CALU: variants seen among roughly 807,000 people sequenced by gnomAD.
CALU encodes IEF SSP 9302.
CALU carries 13 observed loss-of-function variants against 37.5 expected under a neutral mutation model. The observed-to-expected ratio is 0.35, with a 90% CI of 0.23 to 0.55. The LOEUF is 0.55. CALU is among the 20% of genes least tolerant of loss of function. CALU has a pLI of 0.89. For missense variants in CALU, 282 were observed against 391.7 expected (o/e 0.72, Z 2.36); for synonymous variants, 114 against 133.8 (o/e 0.85, Z 1.02).
intron 5 of CALU, chr7:128,761,537 AG>A (rs1182428203): frequency 2.0e-5 from 3 of 152,194 alleles, no homozygotes; most frequent in Non-Finnish European, 4.4e-5. Flanking sequence ...ATTAGTAGTG[AG>A]GTTGTGCCTG....
rs757119279 is a variant in CALU, at chr7:128,769,173, G to A, written c.*6G>A. On this transcript the variant is annotated 3_prime_UTR_variant, in exon 7 of 7. Transcript: ENST00000249364. Reference sequence around the variant, plus strand: ...TACGGCATGATGAGTTCTGAGCTACGGAGGAACCCTCATTTCCTCAAAAGT... The same window carrying A: ...TACGGCATGATGAGTTCTGAGCTACAGAGGAACCCTCATTTCCTCAAAAGT... 2.7e-5 allele frequency: 39 copies of A among 1,420,234 alleles called. No homozygotes were observed. Among genetic ancestry groups the A allele is most frequent in the Admixed American group, 3.7e-5 (2 of 53,906 alleles). The allele number at this position is 1,420,234 out of a possible 1,614,324, so 88.0% of individuals were successfully genotyped here. A position where few individuals can be genotyped will look rare whatever the true frequency, so the allele number is the denominator to read the frequency against.
At chr7:128,760,647 G>A (rs981155681) in intron 5 of CALU, among the ~76,000 whole-genome samples, 3 of 152,090 alleles carry the variant, frequency 2.0e-5, no homozygotes, top group Admixed American at 1.3e-4. Flanking sequence ...GGTGGCTCAC[G>A]CCTGTAATCC....
At chr7:128,766,575 C>T (rs1408458561) in intron 5 of CALU, among the ~76,000 whole-genome samples, 5 of 151,740 alleles carry the variant, frequency 3.3e-5, no homozygotes, top group East Asian at 3.9e-4. Context: ...ATTACAGGCA[C>T]GCACCACCAT....
At chr7:128,756,363 A>G (rs1051684616) in intron 3 of CALU, among the ~76,000 whole-genome samples, 2 of 152,190 alleles carry the variant, frequency 1.3e-5, no homozygotes, top group African/African-American at 4.8e-5. Flanking sequence ...ATTCAACGTA[A>G]TGGGTATTTC....
chr7:128,757,083 T>TA (rs200603035), intron 3 of CALU, among the ~76,000 whole-genome samples: 203 of 142,630 alleles, frequency 1.4e-3, no homozygotes, highest in Middle Eastern at 7.2e-3. Context: ...GACTATAAAT[T>TA]AAAAAAAAAA....
chr7:128,763,062 C>CT (rs1801184959), intron 5 of CALU, among the ~76,000 whole-genome samples: 1 of 152,178 alleles, frequency 6.6e-6, no homozygotes, highest in South Asian at 2.1e-4. Context: ...CATCCACTTC[C>CT]TTGCTTCCTT....
Position 128,772,744 on chromosome 7 carries a change from C to A in CALU, c.*3577C>A. ...ACCTTATTCTCTGTATCACCAAAGCCTTGCACAATGCTTTGTACCCAGAAT... is the reference window on the plus strand; with the variant it reads ...ACCTTATTCTCTGTATCACCAAAGCATTGCACAATGCTTTGTACCCAGAAT... On this transcript the variant is annotated 3_prime_UTR_variant, in exon 7 of 7. Transcript: ENST00000249364. The A allele has an allele frequency of 6.4e-7, 1 of 1,558,582 alleles. No individual in the cohort carries two copies. Among genetic ancestry groups the A allele is most frequent in the Non-Finnish European group, 8.8e-7 (1 of 1,131,204 alleles).
At chr7:128,752,798 C>A (rs909754443) in intron 2 of CALU, among the ~76,000 whole-genome samples, 5 of 152,166 alleles carry the variant, frequency 3.3e-5, no homozygotes, top group Non-Finnish European at 7.4e-5. Context: ...GATTCTCCTG[C>A]CTCAGCCTCC....
chr7:128,746,135 C>A (rs1263036518), intron 1 of CALU, among the ~76,000 whole-genome samples: 1 of 151,392 alleles, frequency 6.6e-6, no homozygotes, highest in Non-Finnish European at 1.5e-5. Context: ...CATTTCACTG[C>A]AGATAGATGC....
intron 6 of CALU, 46 bp downstream of exon 6, chr7:128,767,701 C>A: frequency 2.1e-6 from 3 of 1,460,130 alleles, no homozygotes; most frequent in South Asian, 1.2e-5. Context: ...TTGAAGTATG[C>A]TTCTAGGGGA....
At position 128,769,300 on chromosome 7, in the gene CALU, C is replaced by A. The variant is rs1801466477; in HGVS notation, c.*133C>A. ...ATGAAAAGGCGTAATGAAAACCATC[C>A]CGTCCCCATTCCTCCTCCTCTCTGA... is the stretch of plus-strand genomic sequence containing the variant. On this transcript the variant is annotated 3_prime_UTR_variant, in exon 7 of 7. Transcript: ENST00000249364. The A allele has an allele frequency of 5.3e-6, 3 of 564,980 alleles. No individual in the cohort carries two copies. Among genetic ancestry groups the A allele is most frequent in the Non-Finnish European group, 9.4e-6 (3 of 317,854 alleles). 35.0% of individuals were successfully genotyped at this position (564,980 alleles called of 1,614,324 possible).
chr7:128,748,369 TA>T, intron 1 of CALU: 1 of 1,500,492 alleles, frequency 6.7e-7, no homozygotes, highest in Non-Finnish European at 8.9e-7. Flanking sequence ...AGGAAACTGG[TA>T]AAAATTTCTC....
chr7:128,753,394 CAG>C (rs1800750629), intron 2 of CALU, among the ~76,000 whole-genome samples: 1 of 152,198 alleles, frequency 6.6e-6, no homozygotes, highest in Non-Finnish European at 1.5e-5. Flanking sequence ...CACCTTTAAA[CAG>C]AAGTTTTCAT....
At chr7:128,759,179 G>T in intron 4 of CALU, 142 bp downstream of exon 4, 1 of 547,506 alleles carries the variant, frequency 1.8e-6, no homozygotes. Flanking sequence ...TATAAGTATT[G>T]GCCAGATTCA....
At chr7:128,765,160 C>T (rs1342945913) in intron 5 of CALU, among the ~76,000 whole-genome samples, 2 of 152,184 alleles carry the variant, frequency 1.3e-5, no homozygotes, top group South Asian at 2.1e-4. Context: ...AGAGCTCTAC[C>T]TGCCTTGGCC....
rs777311637 is a variant in CALU at position 128,759,009 on chromosome 7, A to G, written c.554A>G (p.Tyr185Cys). Residue 185 changes from tyrosine to cysteine, a missense_variant, in exon 4 of 7, where the codon TAT becomes TGT. Transcript: ENST00000249364. ...ACAGCTTTCCTGCACCCTGAGGAGT[A>G]TGACTACATGAAAGATATAGTAGTA... ...EFTAFLHPEE[Y>C]DYMKDIVVQE... The G allele has an allele frequency of 2.8e-5, 45 of 1,613,894 alleles. 1 individual carries two copies. The South Asian group carries it at 4.7e-4, about 17-fold the overall frequency.
intron 3 of CALU, among the ~76,000 whole-genome samples, chr7:128,756,919 A>T (rs1800906690): frequency 6.6e-6 from 1 of 152,118 alleles, no homozygotes; most frequent in African/African-American, 2.4e-5. Flanking sequence ...TTACAAAAAA[A>T]ATATTAAAAA....
intron 5 of CALU, among the ~76,000 whole-genome samples, chr7:128,765,897 A>G (rs1461098795): frequency 6.6e-6 from 1 of 152,230 alleles, no homozygotes; most frequent in East Asian, 1.9e-4. Flanking sequence ...AATATTGCTT[A>G]GTTCTTGGAA....
intron 5 of CALU, among the ~76,000 whole-genome samples, chr7:128,762,695 C>T (rs339096): frequency 0.02 from 3,106 of 152,032 alleles, 108 homozygotes; most frequent in African/African-American, 0.071. Context: ...TTGAGACAGT[C>T]TTGCTCTGTC....
Sources: gnomAD v4.1 joint callset for allele counts (sites outside exome capture counted in the v4.1 genomes callset) on GRCh38, gnomAD v4.1.1 for gene constraint, MANE v1.5 for transcripts, NCBI Gene and HGNC (gene_info 2026-07-23, HGNC 2026-07-21) for gene names.